Variants in KSR2 observed in about 807,000 individuals in gnomAD.
KSR2 encodes the protein kinase suppressor of ras 2.
In KSR2, 25 loss-of-function variants were observed where a neutral mutation model predicts 107.8. The ratio of observed to expected loss-of-function variants is 0.23; its 90% CI spans 0.17 to 0.32. The LOEUF (loss-of-function observed/expected upper bound fraction) is 0.32. Among genes scored for constraint, KSR2 ranks in the 10% least tolerant of loss-of-function variants. The probability of loss-of-function intolerance (pLI) is 1.00; values close to 1 mark genes in which losing one functional copy is unlikely to be tolerated. For missense variants in KSR2, 887 were observed against 1,268.9 expected, an observed-to-expected ratio of 0.70 and a Z score of 4.57; for synonymous variants, 480 against 507.0, an observed-to-expected ratio of 0.95 and a Z score of 0.71.
chr12:117,625,666 T>C (rs1309477074), intron 5 of KSR2, among the ~76,000 whole-genome samples: 3 of 152,224 alleles, frequency 2.0e-5, no homozygotes, highest in Non-Finnish European at 4.4e-5. Context: ...AAAATTTTCT[T>C]TTTTTGTTGT....
intron 1 of KSR2, among the ~76,000 whole-genome samples, chr12:117,927,178 C>T (rs1895545335): frequency 6.6e-6 from 1 of 151,742 alleles, no homozygotes; most frequent in African/African-American, 2.4e-5. Flanking sequence ...AAGTTTGCAA[C>T]CATCCTGGAC....
chr12:117,823,362 TG>T (rs1053409482), intron 3 of KSR2, among the ~76,000 whole-genome samples: 2 of 151,992 alleles, frequency 1.3e-5, no homozygotes, highest in African/African-American at 4.8e-5. Context: ...GGCAAAAGCT[TG>T]GGGTGGTAGT....
chr12:117,840,684 CCA>C (rs996997094), intron 3 of KSR2, among the ~76,000 whole-genome samples: 18 of 152,116 alleles, frequency 1.2e-4, no homozygotes, highest in Non-Finnish European at 2.2e-4. Context: ...GCGTAAGCCA[CCA>C]CGCCTGTCCC....
intron 5 of KSR2, among the ~76,000 whole-genome samples, chr12:117,619,546 ATT>A (rs989582346): frequency 6.6e-6 from 1 of 151,610 alleles, no homozygotes; most frequent in Non-Finnish European, 1.5e-5. Flanking sequence ...TGAATTCATC[ATT>A]TTTTATGGCT....
At chr12:117,857,164 C>G (rs1466120348) in intron 2 of KSR2, among the ~76,000 whole-genome samples, 1 of 152,064 alleles carries the variant, frequency 6.6e-6, no homozygotes, top group Non-Finnish European at 1.5e-5. Flanking sequence ...GTTCAAGCGA[C>G]CCTCCCACCT....
intron 3 of KSR2, among the ~76,000 whole-genome samples, chr12:117,786,748 G>A (rs779757244): frequency 2.3e-4 from 35 of 152,084 alleles, no homozygotes; most frequent in South Asian, 2.1e-4. Context: ...CCCAGGAAGC[G>A]GAGAATGCAG....
At chr12:117,870,651 C>T (rs1566060249) in intron 1 of KSR2, among the ~76,000 whole-genome samples, 1 of 152,100 alleles carries the variant, frequency 6.6e-6, no homozygotes, top group South Asian at 2.1e-4. Context: ...ATACCCCATA[C>T]ACTCATGTCC....
intron 4 of KSR2, among the ~76,000 whole-genome samples, chr12:117,702,477 C>T (rs895129593): frequency 6.6e-6 from 1 of 152,112 alleles, no homozygotes; most frequent in African/African-American, 2.4e-5. Flanking sequence ...AGTCTCTAAC[C>T]AAATATCAAA....
chr12:117,653,230 T>C (rs1169164001), intron 5 of KSR2, among the ~76,000 whole-genome samples: 3 of 152,278 alleles, frequency 2.0e-5, no homozygotes, highest in African/African-American at 7.2e-5. Flanking sequence ...CAACTGCAGC[T>C]GCTGTACTTG....
At chr12:117,586,750 A>G (rs1182635139) in intron 5 of KSR2, among the ~76,000 whole-genome samples, 2 of 152,202 alleles carry the variant, frequency 1.3e-5, no homozygotes, top group Admixed American at 1.3e-4. Flanking sequence ...TCCCATTAAT[A>G]CAAACACTAC....
At chr12:117,487,613 T>C (rs1872535305) in intron 14 of KSR2, among the ~76,000 whole-genome samples, 1 of 152,194 alleles carries the variant, frequency 6.6e-6, no homozygotes, top group South Asian at 2.1e-4. Context: ...ACTTAGTTCC[T>C]GAACAGCCAC....
chr12:117,830,473 A>ACCTG, intron 3 of KSR2, among the ~76,000 whole-genome samples: 1 of 152,138 alleles, frequency 6.6e-6, no homozygotes, highest in Middle Eastern at 3.4e-3. Flanking sequence ...AATGTAACAA[A>ACCTG]CCTGCACATG....
At chr12:117,572,875 C>G (rs972889235) in intron 7 of KSR2, among the ~76,000 whole-genome samples, 14 of 152,100 alleles carry the variant, frequency 9.2e-5, no homozygotes, top group Admixed American at 9.2e-4. Flanking sequence ...TGTGGAAGGA[C>G]CCTGAGAAGG....
chr12:117,566,445 T>A (rs933501794), intron 7 of KSR2, among the ~76,000 whole-genome samples: 3 of 152,158 alleles, frequency 2.0e-5, no homozygotes, highest in African/African-American at 7.2e-5. Flanking sequence ...GTCTATGTGT[T>A]CTCATCATTT....
At chr12:117,539,656 C>A in intron 10 of KSR2, 63 bp downstream of exon 10, 2 of 1,458,642 alleles carry the variant, frequency 1.4e-6, no homozygotes. Flanking sequence ...ATGAACCCAC[C>A]CCCTCCCTAA....
intron 1 of KSR2, among the ~76,000 whole-genome samples, chr12:117,941,699 T>C (rs1205497007): frequency 6.8e-6 from 1 of 147,606 alleles, no homozygotes; most frequent in Non-Finnish European, 1.5e-5. Context: ...CGATCTTGGC[T>C]TACTGCAGCC....
intron 16 of KSR2, among the ~76,000 whole-genome samples, chr12:117,479,927 C>A (rs2095060309): frequency 6.6e-6 from 1 of 152,210 alleles, no homozygotes. Context: ...ATTTGTACTT[C>A]ACAGAGCTGT....
At chr12:117,612,510 C>T (rs1005595075) in intron 5 of KSR2, among the ~76,000 whole-genome samples, 2 of 152,118 alleles carry the variant, frequency 1.3e-5, no homozygotes, top group Non-Finnish European at 2.9e-5. Context: ...ATTCTTCTTG[C>T]CAGAAAGTTT....
intron 1 of KSR2, among the ~76,000 whole-genome samples, chr12:117,927,484 G>A (rs1471174912): frequency 2.6e-5 from 4 of 152,010 alleles, no homozygotes; most frequent in Admixed American, 6.6e-5. Context: ...TTCAGGTCCA[G>A]AGTTCAAGAC....
Sources: gnomAD v4.1 joint callset for allele counts (sites outside exome capture counted in the v4.1 genomes callset) on GRCh38, gnomAD v4.1.1 for gene constraint, MANE v1.5 for transcripts, NCBI Gene and HGNC (gene_info 2026-07-23, HGNC 2026-07-21) for gene names.